Variants in RGS20 observed in about 807,000 individuals in gnomAD.
RGS20 encodes regulator of G protein signaling 20.
A neutral mutation model predicts 33.6 loss-of-function variants in RGS20; 30 were observed. The ratio of observed to expected loss-of-function variants is 0.89; its 90% CI spans 0.67 to 1.21. RGS20 has a LOEUF of 1.21. Among genes scored for constraint, RGS20 ranks in the 50% most tolerant of loss-of-function variants. The pLI is 0.00. For missense variants in RGS20, 472 were observed against 502.4 expected (o/e 0.94, Z 0.58); for synonymous variants, 208 against 197.9 (o/e 1.05, Z -0.43).
At chr8:53,909,207 GTGTATATA>G (rs71254929) in intron 2 of RGS20, among the ~76,000 whole-genome samples, 5,491 of 82,970 alleles carry the variant, frequency 0.066, 305 homozygotes, top group South Asian at 0.078. Context: ...TATGGTATGT[GTGTATATA>G]TATATATATA....
At position 53,954,262 on chromosome 8, in the gene RGS20, A is replaced by G. The variant is rs1474405365; in HGVS notation, c.930A>G (p.Lys310=). 4 of 1,613,566 alleles carry G rather than the reference A, an allele frequency of 2.5e-6. No homozygotes were observed. The highest frequency in any genetic ancestry group is 3.4e-6 in the Non-Finnish European group (4 of 1,179,626). ...CTAATAAAAACATTATTGAAGAGAAAGCAAGGATAATCTATGAAGACTACA... is the reference window on the plus strand; with the variant it reads ...CTAATAAAAACATTATTGAAGAGAAGGCAAGGATAATCTATGAAGACTACA... Residue 310 remains lysine (K), a synonymous_variant, in exon 5 of 6, where the codon AAA becomes AAG. Transcript: ENST00000297313.
intron 2 of RGS20, among the ~76,000 whole-genome samples, chr8:53,882,831 T>G (rs2129275171): frequency 6.6e-6 from 1 of 152,134 alleles, no homozygotes; most frequent in East Asian, 1.9e-4. Flanking sequence ...CCCCGGAGTG[T>G]GGGGAGGAAG....
rs117182987 is a variant in RGS20, at chr8:53,912,182, G to A, written c.511-27394G>A. On this transcript the variant is annotated intron_variant, in intron 2 of 5. Transcript: ENST00000297313. ...ACATTTGAAGTGCTTCACCAGTATCGCCTCATTTAATCTTCACCTCCAGGA... is the reference window on the plus strand; with the variant it reads ...ACATTTGAAGTGCTTCACCAGTATCACCTCATTTAATCTTCACCTCCAGGA... 7.1e-3 allele frequency among the ~76,000 whole-genome samples: 1,083 copies of A among 152,022 alleles called. 8 individuals carry two copies. The highest frequency in any genetic ancestry group is 0.034 in the Middle Eastern group (10 of 294).
At chr8:53,865,744 T>C (rs771324910) in intron 1 of RGS20, among the ~76,000 whole-genome samples, 19 of 152,312 alleles carry the variant, frequency 1.2e-4, no homozygotes, top group Non-Finnish European at 1.9e-4. Flanking sequence ...GTAGCTGAGA[T>C]GACAGGTGTG....
intron 1 of RGS20, among the ~76,000 whole-genome samples, chr8:53,872,333 T>G (rs571534421): frequency 6.6e-6 from 1 of 152,198 alleles, no homozygotes; most frequent in African/African-American, 2.4e-5. Flanking sequence ...TAGATGTCTC[T>G]CTTGCTGAAA....
At chr8:53,932,761 C>A (rs1033719631) in intron 2 of RGS20, among the ~76,000 whole-genome samples, 1 of 152,202 alleles carries the variant, frequency 6.6e-6, no homozygotes, top group Non-Finnish European at 1.5e-5. Context: ...CAGCACAGTG[C>A]TTGAGCTCTG....
Position 53,946,432 on chromosome 8 carries a change from A to C in RGS20, c.660-233A>C, listed in dbSNP as rs1814479507. On this transcript the variant is annotated intron_variant, in intron 3 of 5. Transcript: ENST00000297313. The stretch of plus-strand genomic sequence containing the variant: ...TATTCTAAGTATAATTGAACACAAT[A>C]ATTTCTAACTCTTTCTCAATAGTAG... 1.2e-5 allele frequency: 6 copies of C among 509,666 alleles called. No individual in the cohort carries two copies. In the Admixed American group the frequency reaches 1.5e-4, roughly 12 times the overall value. The allele number at this position is 509,666 out of a possible 1,614,324, so 31.6% of individuals were successfully genotyped here.
intron 2 of RGS20, among the ~76,000 whole-genome samples, chr8:53,905,803 A>C (rs1813148716): frequency 1.3e-5 from 2 of 152,182 alleles, no homozygotes; most frequent in South Asian, 4.1e-4. Context: ...GAATCTAGCG[A>C]GCAGCCAAAA....
At chr8:53,863,213 C>T (rs983769576) in intron 1 of RGS20, among the ~76,000 whole-genome samples, 5 of 152,036 alleles carry the variant, frequency 3.3e-5, no homozygotes, top group African/African-American at 1.2e-4. Flanking sequence ...TCTCAAACTC[C>T]GGACCTCAGG....
intron 3 of RGS20, 28 bp downstream of exon 2, chr8:53,939,752 T>C (rs1449584751): frequency 2.0e-6 from 3 of 1,537,912 alleles, no homozygotes; most frequent in Non-Finnish European, 2.6e-6. Flanking sequence ...TTAATGAATG[T>C]GCTCCTGACT....
chr8:53,955,021 C>T (rs1213628629), intron 5 of RGS20, among the ~76,000 whole-genome samples: 1 of 151,392 alleles, frequency 6.6e-6, no homozygotes, highest in Non-Finnish European at 1.5e-5. Context: ...GAAAAATGCA[C>T]AAAATTTTTC....
At chr8:53,854,556 G>T (rs1048858058) in intron 1 of RGS20, among the ~76,000 whole-genome samples, 4 of 151,504 alleles carry the variant, frequency 2.6e-5, no homozygotes, top group African/African-American at 9.7e-5. Context: ...TAGCTAAAAT[G>T]GAAAAAAATA....
chr8:53,894,809 G>C (rs1235954691), intron 2 of RGS20, among the ~76,000 whole-genome samples: 1 of 152,218 alleles, frequency 6.6e-6, no homozygotes. Flanking sequence ...TTAAATGTAA[G>C]ATGTGATACA....
intron 2 of RGS20, among the ~76,000 whole-genome samples, chr8:53,913,253 C>T (rs1203703109): frequency 3.3e-5 from 5 of 152,118 alleles, no homozygotes; most frequent in African/African-American, 1.2e-4. Flanking sequence ...ACATGAGCCA[C>T]CATGCCCAGC....
At chr8:53,853,187 T>C (rs1020099444) in intron 1 of RGS20, among the ~76,000 whole-genome samples, 3 of 152,144 alleles carry the variant, frequency 2.0e-5, no homozygotes, top group Admixed American at 1.3e-4. Flanking sequence ...GGAGGCTACT[T>C]TGAGGAAACA....
intron 2 of RGS20, among the ~76,000 whole-genome samples, chr8:53,902,499 G>T (rs1392424543): frequency 6.6e-6 from 1 of 152,152 alleles, no homozygotes; most frequent in African/African-American, 2.4e-5. Context: ...TCCCATCAGC[G>T]GTGCGGGAGA....
At chr8:53,957,737 C>T (rs984590713) in intron 5 of RGS20, among the ~76,000 whole-genome samples, 1 of 152,250 alleles carries the variant, frequency 6.6e-6, no homozygotes, top group Non-Finnish European at 1.5e-5. Flanking sequence ...ACCGCTCTCA[C>T]AAGCCCTCTG....
intron 1 of RGS20, chr8:53,879,187 A>G: frequency 7.8e-7 from 1 of 1,274,044 alleles, no homozygotes; most frequent in South Asian, 1.2e-5. Flanking sequence ...TTCTGTAGTA[A>G]AGAGCCCCAT....
chr8:53,910,740 A>T (rs1184974926), intron 2 of RGS20, among the ~76,000 whole-genome samples: 1 of 152,220 alleles, frequency 6.6e-6, no homozygotes, highest in Non-Finnish European at 1.5e-5. Context: ...ATTGAGTACT[A>T]CTCAGCAGTA....
Sources: allele counts gnomAD v4.1 joint callset (sites outside exome capture counted in the v4.1 genomes callset), GRCh38; gene constraint gnomAD v4.1.1; transcripts MANE v1.5; gene names NCBI Gene and HGNC (gene_info 2026-07-23, HGNC 2026-07-21).